RAB5A: variants seen among roughly 807,000 people sequenced by gnomAD.
The protein encoded by RAB5A is RAB5A, member RAS oncogene family.
A neutral mutation model predicts 25.7 loss-of-function variants in RAB5A; 8 were observed. That is an observed-to-expected ratio of 0.31 (90% confidence interval 0.18 to 0.56). The LOEUF (loss-of-function observed/expected upper bound fraction) is 0.56, where lower values mean the gene tolerates loss of function less well. RAB5A is among the 20% of genes least tolerant of loss of function. The pLI, the probability that RAB5A is intolerant of heterozygous loss-of-function variation, is 0.91. For missense variants in RAB5A, 192 were observed against 259.7 expected (o/e 0.74, Z 1.79); for synonymous variants, 98 against 89.8 (o/e 1.09, Z -0.52).
At chr3:19,962,175 C>G (rs1458214055) in intron 2 of RAB5A, among the ~76,000 whole-genome samples, 6 of 152,166 alleles carry the variant, frequency 3.9e-5, no homozygotes. Context: ...AGCATCTGTT[C>G]TATTCTAGTC....
At chr3:19,980,051 T>C (rs769467270) in intron 5 of RAB5A, 1 of 152,262 alleles carries the variant, frequency 6.6e-6, no homozygotes, top group Non-Finnish European at 1.5e-5. Flanking sequence ...CCTTTTCTCA[T>C]GTAAACTGTT....
intron 2 of RAB5A, among the ~76,000 whole-genome samples, chr3:19,962,580 G>A (rs1350472862): frequency 6.6e-6 from 1 of 151,706 alleles, no homozygotes; most frequent in Non-Finnish European, 1.5e-5. Flanking sequence ...AAAAAAAAAA[G>A]TACTGTCTGC....
chr3:19,968,737 A>G (rs1304664858), intron 2 of RAB5A, among the ~76,000 whole-genome samples: 4 of 152,236 alleles, frequency 2.6e-5, no homozygotes, highest in Non-Finnish European at 5.9e-5. Flanking sequence ...TGCTGGGATT[A>G]CAGGCATGAG....
chr3:19,963,271 T>A (rs1322109391), intron 2 of RAB5A, among the ~76,000 whole-genome samples: 2 of 152,154 alleles, frequency 1.3e-5, no homozygotes, highest in Non-Finnish European at 2.9e-5. Context: ...CTCTTTTTAT[T>A]ATTTTTTAAC....
intron 2 of RAB5A, among the ~76,000 whole-genome samples, chr3:19,968,927 A>C (rs1278452160): frequency 6.6e-6 from 1 of 151,012 alleles, no homozygotes; most frequent in East Asian, 1.9e-4. Context: ...AAGTATTAGC[A>C]TTTTCTTGCC....
intron 2 of RAB5A, among the ~76,000 whole-genome samples, chr3:19,967,887 T>C (rs527317318): frequency 2.0e-5 from 3 of 152,318 alleles, no homozygotes; most frequent in South Asian, 4.1e-4. Flanking sequence ...ACACACACTT[T>C]CATAGGAAAT....
At chr3:19,950,687 A>G (rs1269545335) in intron 1 of RAB5A, 119 bp from the exon 2 acceptor site, 2 of 441,968 alleles carry the variant, frequency 4.5e-6, no homozygotes, top group Admixed American at 7.5e-5. Context: ...ACATAATCTA[A>G]AGGGCATTGA....
chr3:19,954,975 A>G (rs1421642999), intron 2 of RAB5A, among the ~76,000 whole-genome samples: 1 of 152,160 alleles, frequency 6.6e-6, no homozygotes, highest in Non-Finnish European at 1.5e-5. Context: ...TTATGTTTCT[A>G]TTGTTGGTCT....
chr3:19,981,644 AC>A (rs1696930112), intron 5 of RAB5A, among the ~76,000 whole-genome samples: 1 of 152,080 alleles, frequency 6.6e-6, no homozygotes, highest in East Asian at 1.9e-4. Context: ...TCAAAAACAT[AC>A]AACTTAGGAT....
Position 19,983,915 on chromosome 3 carries a change from C to A in RAB5A, c.*92C>A. 1 of 830,838 alleles carries A rather than the reference C, an allele frequency of 1.2e-6. No individual in the cohort carries two copies. The highest frequency in any genetic ancestry group is 1.9e-6 in the Non-Finnish European group (1 of 521,640). The allele number at this position is 830,838 out of a possible 1,614,324, so 51.5% of individuals were successfully genotyped here. A position where few individuals can be genotyped will look rare whatever the true frequency, so the allele number is the denominator to read the frequency against. On this transcript the variant is annotated 3_prime_UTR_variant, in exon 6 of 6. Transcript: ENST00000273047. ...CATTTAACCAGCCCAGTATGACTTC[C>A]AAAAGAAGAGACTTATGATAGAGTC...
intron 4 of RAB5A, among the ~76,000 whole-genome samples, 188 bp from the exon 5 acceptor site, chr3:19,978,122 T>G (rs1369203889): frequency 6.6e-6 from 1 of 152,218 alleles, no homozygotes; most frequent in Non-Finnish European, 1.5e-5. Flanking sequence ...AAATAGTCCA[T>G]TATAAAATTA....
chr3:19,970,715 C>A, intron 2 of RAB5A: 1 of 398,122 alleles, frequency 2.5e-6, no homozygotes, highest in South Asian at 1.8e-5. Context: ...TTTACAGATT[C>A]AGGTAAGTTT....
Position 19,965,916 on chromosome 3 carries a change from A to G in RAB5A, c.164-9685A>G, listed in dbSNP as rs546710646. ...CCTGTTTTGTATTTTTGTTAGTAGA[A>G]ACGATTTCTCCATGTTGCCCGGGCT... On this transcript the variant is annotated intron_variant, in intron 2 of 5. Transcript: ENST00000273047. Among the ~76,000 whole-genome samples, 70 of 151,818 alleles carry G rather than the reference A, an allele frequency of 4.6e-4. 1 individual carries two copies. The highest frequency in any genetic ancestry group is 1.5e-3 in the African/African-American group (63 of 41,402).
chr3:19,950,911 G>C lies in RAB5A; in HGVS notation c.13G>C (p.Gly5Arg). The change falls in exon 2 of 6, where the codon GGC (glycine) becomes CGC (arginine). Residue 5 changes from glycine to arginine, a missense_variant. Gly to Arg is a moderately radical substitution (Grantham distance 125). This residue lies in a region of RAB5A where 32 missense variants were observed against 32.4 expected (regional missense o/e 0.99). Transcript: ENST00000273047. ...TTCAAATTTGGACATGGCTAGTCGA[G>C]GCGCAACAAGACCCAACGGGCCAAA... MASR[G>R]ATRPNGPNTG... is the part of the protein sequence containing the mutation. The C allele has an allele frequency of 1.2e-6, 2 of 1,611,418 alleles. No homozygotes were observed. The highest frequency in any genetic ancestry group is 1.7e-6 in the Non-Finnish European group (2 of 1,178,726).
intron 2 of RAB5A, among the ~76,000 whole-genome samples, chr3:19,966,050 G>A (rs1452467835): frequency 3.9e-5 from 6 of 152,116 alleles, no homozygotes; most frequent in Admixed American, 3.9e-4. Context: ...TAAAATTGCG[G>A]TAAAATATCC....
intron 2 of RAB5A, among the ~76,000 whole-genome samples, chr3:19,963,539 T>A (rs1226951331): frequency 6.6e-6 from 1 of 152,202 alleles, no homozygotes; most frequent in Non-Finnish European, 1.5e-5. Context: ...TAGATAATTA[T>A]ATCCTAGGAT....
intron 2 of RAB5A, among the ~76,000 whole-genome samples, chr3:19,964,204 G>GT: frequency 6.6e-6 from 1 of 152,206 alleles, no homozygotes; most frequent in Admixed American, 6.5e-5. Flanking sequence ...TAAAGTATCT[G>GT]TTGCCTATAG....
chr3:19,963,100 T>C (rs1160022259), intron 2 of RAB5A, among the ~76,000 whole-genome samples: 2 of 152,194 alleles, frequency 1.3e-5, no homozygotes, highest in African/African-American at 4.8e-5. Context: ...TGAGCCACCA[T>C]GCCCAGCCTG....
At chr3:19,950,489 T>C (rs1696407273) in intron 1 of RAB5A, among the ~76,000 whole-genome samples, 1 of 152,246 alleles carries the variant, frequency 6.6e-6, no homozygotes, top group Admixed American at 6.5e-5. Context: ...ATTAAGCTTC[T>C]TAACATCTCT....
Sources: allele counts gnomAD v4.1 joint callset (sites outside exome capture counted in the v4.1 genomes callset), GRCh38; gene constraint gnomAD v4.1.1; regional missense constraint gnomAD v4.1.1; transcripts MANE v1.5; gene names NCBI Gene and HGNC (gene_info 2026-07-23, HGNC 2026-07-21).